The following ZNF521 variants were observed in gnomAD, a reference collection of about 807,000 sequenced individuals.
ZNF521 encodes the protein LYST-interacting protein 3.
ZNF521 carries 14 observed loss-of-function variants against 105.5 expected under a neutral mutation model. The observed-to-expected ratio is 0.13, with a 90% confidence interval of 0.09 to 0.21. ZNF521 has a LOEUF of 0.21. Ranked by LOEUF, ZNF521 falls within the 10% of genes least tolerant of loss-of-function variation. The pLI is 1.00. For missense variants in ZNF521, 1,233 were observed against 1,629.7 expected (o/e 0.76, Z 4.19); for synonymous variants, 635 against 606.0 (o/e 1.05, Z -0.70).
chr18:25,305,073 C>T (rs1444466810), intron 3 of ZNF521, among the ~76,000 whole-genome samples: 2 of 152,062 alleles, frequency 1.3e-5, no homozygotes, highest in East Asian at 1.9e-4. Flanking sequence ...GGTCATTTGT[C>T]GCACAAATGC....
intron 3 of ZNF521, among the ~76,000 whole-genome samples, chr18:25,296,820 G>A (rs1036325767): frequency 1.3e-5 from 2 of 152,038 alleles, no homozygotes. Flanking sequence ...ATATTTTGCT[G>A]TGCTTAATCA....
intron 4 of ZNF521, among the ~76,000 whole-genome samples, chr18:25,219,122 T>C (rs138148534): frequency 2.0e-4 from 31 of 152,318 alleles, no homozygotes; most frequent in Non-Finnish European, 4.1e-4. Context: ...AAGAATACAG[T>C]GTGTAATACA....
chr18:25,319,856 C>G (rs1361236167), intron 3 of ZNF521, among the ~76,000 whole-genome samples: 1 of 152,122 alleles, frequency 6.6e-6, no homozygotes, highest in Non-Finnish European at 1.5e-5. Flanking sequence ...GTGATTCAGG[C>G]TTCTTTGGAG....
intron 3 of ZNF521, among the ~76,000 whole-genome samples, chr18:25,236,148 C>A (rs2144775526): frequency 6.6e-6 from 1 of 152,288 alleles, no homozygotes; most frequent in Non-Finnish European, 1.5e-5. Flanking sequence ...CAGCCAACCA[C>A]CCAGCAGCTG....
intron 5 of ZNF521, among the ~76,000 whole-genome samples, chr18:25,156,383 T>C (rs2035145333): frequency 6.6e-6 from 1 of 152,186 alleles, no homozygotes; most frequent in Non-Finnish European, 1.5e-5. Flanking sequence ...GTGGGGGATT[T>C]CACTGCATAA....
chr18:25,158,692 C>T (rs1238912605), intron 5 of ZNF521, among the ~76,000 whole-genome samples: 7 of 152,022 alleles, frequency 4.6e-5, no homozygotes, highest in African/African-American at 1.4e-4. Context: ...TGGTGGCTCA[C>T]ACCTGTAATC....
At position 25,227,707 on chromosome 18, in the gene ZNF521, G is replaced by C. The variant is rs767071353; in HGVS notation, c.221-10C>G. ...TCAACATCCACTCCATCTGCAACAA[G>C]AAGCAATGACAAATTTCATCTGACA... On this transcript the variant is annotated splice_polypyrimidine_tract_variant and intron_variant, in intron 3 of 7. Transcript: ENST00000361524. This position sits in a 1 kb window ranked among gnomAD's most constrained non-coding sequence, Gnocchi z 5.7. 5.0e-6 allele frequency: 8 copies of C among 1,601,156 alleles called. No homozygotes were observed. Among genetic ancestry groups the C allele is most frequent in the Non-Finnish European group, 6.8e-6 (8 of 1,173,216 alleles).
intron 3 of ZNF521, among the ~76,000 whole-genome samples, chr18:25,237,119 TG>T (rs1275615956): frequency 1.3e-5 from 2 of 152,278 alleles, no homozygotes; most frequent in Middle Eastern, 3.4e-3. Flanking sequence ...ATTTTTTTCT[TG>T]GTAACAGCCC....
intron 5 of ZNF521, among the ~76,000 whole-genome samples, chr18:25,189,547 G>A (rs2035783261): frequency 6.6e-6 from 1 of 152,162 alleles, no homozygotes; most frequent in East Asian, 1.9e-4. Flanking sequence ...CCAGGCCACA[G>A]GCTCCATCCT....
intron 2 of ZNF521, among the ~76,000 whole-genome samples, chr18:25,347,266 T>C (rs1030072851): frequency 3.9e-5 from 6 of 152,208 alleles, no homozygotes; most frequent in African/African-American, 1.4e-4. Context: ...ACTCATTTAA[T>C]TGTCTGTCCA....
chr18:25,210,052 GA>G (rs2036151430), intron 4 of ZNF521, among the ~76,000 whole-genome samples: 1 of 151,850 alleles, frequency 6.6e-6, no homozygotes. Flanking sequence ...ATAACAAATT[GA>G]AAAAATTATA....
chr18:25,105,026 C>T (rs1197105188), intron 5 of ZNF521, among the ~76,000 whole-genome samples: 8 of 152,102 alleles, frequency 5.3e-5, no homozygotes, highest in African/African-American at 1.9e-4. Context: ...AAATAATTCT[C>T]AAAGAATTAG....
intron 3 of ZNF521, among the ~76,000 whole-genome samples, chr18:25,240,077 A>G (rs941167978): frequency 2.0e-5 from 3 of 152,132 alleles, no homozygotes; most frequent in African/African-American, 7.2e-5. Flanking sequence ...AAGACAAATG[A>G]TAGTGTAAGT....
chr18:25,189,013 C>T (rs892969353), intron 5 of ZNF521, among the ~76,000 whole-genome samples: 2 of 152,192 alleles, frequency 1.3e-5, no homozygotes, highest in African/African-American at 4.8e-5. Context: ...ATCAAAGCTG[C>T]TAGACGCAAG....
At chr18:25,228,936 A>T (rs534518191) in intron 3 of ZNF521, among the ~76,000 whole-genome samples, 49 of 152,280 alleles carry the variant, frequency 3.2e-4, no homozygotes, top group African/African-American at 1.2e-3. Flanking sequence ...TCTCCAAAGG[A>T]GCACGATTTT....
At chr18:25,237,238 G>C (rs1443890529) in intron 3 of ZNF521, among the ~76,000 whole-genome samples, 1 of 152,126 alleles carries the variant, frequency 6.6e-6, no homozygotes, top group East Asian at 1.9e-4. Flanking sequence ...TAGACTAAGT[G>C]ATTTATGCCA....
intron 3 of ZNF521, among the ~76,000 whole-genome samples, chr18:25,313,639 G>A (rs536809257): frequency 2.0e-5 from 3 of 152,224 alleles, no homozygotes; most frequent in Non-Finnish European, 2.9e-5. Flanking sequence ...AGTTTTAACA[G>A]CCATTAAAAT....
chr18:25,274,700 T>C (rs908358570), intron 3 of ZNF521, among the ~76,000 whole-genome samples: 2 of 152,218 alleles, frequency 1.3e-5, no homozygotes, highest in African/African-American at 4.8e-5. Context: ...AAGAAATACT[T>C]GCATACTGCC....
intron 5 of ZNF521, among the ~76,000 whole-genome samples, chr18:25,136,409 A>G (rs1354417489): frequency 6.6e-6 from 1 of 152,222 alleles, no homozygotes; most frequent in African/African-American, 2.4e-5. Context: ...TAATAACAAC[A>G]ATAATGTCTA....
Sources: allele counts gnomAD v4.1 joint callset (sites outside exome capture counted in the v4.1 genomes callset), GRCh38; gene constraint gnomAD v4.1.1; non-coding constraint Gnocchi (gnomAD v3.1); transcripts MANE v1.5; gene names NCBI Gene and HGNC (gene_info 2026-07-23, HGNC 2026-07-21).